The following OSBPL3 variants were observed in gnomAD, a reference collection of about 807,000 sequenced individuals.
OSBPL3 encodes the protein oxysterol binding protein like 3.
In OSBPL3, 65 loss-of-function variants were observed where a neutral mutation model predicts 120.1. The ratio of observed to expected loss-of-function variants is 0.54; its 90% CI spans 0.44 to 0.67. The LOEUF (loss-of-function observed/expected upper bound fraction) is 0.67, where lower values mean the gene tolerates loss of function less well. OSBPL3 is among the 30% of genes least tolerant of loss of function. OSBPL3 has a pLI of 0.00. For missense variants in OSBPL3, 1,004 were observed against 1,082.1 expected (o/e 0.93, Z 1.01); for synonymous variants, 416 against 402.6 (o/e 1.03, Z -0.40).
intron 1 of OSBPL3, among the ~76,000 whole-genome samples, chr7:24,920,044 C>A (rs1005212225): frequency 2.8e-4 from 43 of 151,980 alleles, no homozygotes; most frequent in African/African-American, 8.0e-4. Flanking sequence ...TGGGACCTTA[C>A]ACAGTTTGAT....
rs1172738258 is a variant in OSBPL3, at chr7:24,979,940, G to C, written c.-204C>G. 3 of 985,142 alleles carry C rather than the reference G, an allele frequency of 3.0e-6. No individual in the cohort carries two copies. Among genetic ancestry groups the C allele is most frequent in the Middle Eastern group, 5.2e-4 (1 of 1,932 alleles). 61.0% of individuals were successfully genotyped at this position (985,142 alleles called of 1,614,324 possible). ...TAGTTCCCCGGGGCCGGGCTCCGGG[G>C]TTAGCGCACAGAACCGGGAGAAGGC... On this transcript the variant is annotated 5_prime_UTR_variant, in exon 1 of 23. Transcript: ENST00000313367.
At position 24,918,782 on chromosome 7, in the gene OSBPL3, G is replaced by A. The variant is rs563104831; in HGVS notation, c.-149-26161C>T. Among the ~76,000 whole-genome samples the A allele has an allele frequency of 1.3e-5, 2 of 152,242 alleles. No homozygotes were observed. Among genetic ancestry groups the A allele is most frequent in the East Asian group, 1.9e-4 (1 of 5,190 alleles). Reference sequence around the variant, plus strand: ...AATTCCAATTCCTATGATGACCCTGGAGAAAATACTTTCTAAATGGAAGAA... The same window carrying A: ...AATTCCAATTCCTATGATGACCCTGAAGAAAATACTTTCTAAATGGAAGAA... On this transcript the variant is annotated intron_variant, in intron 1 of 22. Transcript: ENST00000313367. This position sits in a 1 kb window ranked among gnomAD's most constrained non-coding sequence, Gnocchi z 4.3.
intron 5 of OSBPL3, among the ~76,000 whole-genome samples, chr7:24,868,539 T>C (rs1801679770): frequency 6.6e-6 from 1 of 151,674 alleles, no homozygotes; most frequent in African/African-American, 2.4e-5. Context: ...TCTGTGAAAA[T>C]CTTTACTAAT....
chr7:24,910,666 C>T (rs1299476717), intron 1 of OSBPL3, among the ~76,000 whole-genome samples: 1 of 152,206 alleles, frequency 6.6e-6, no homozygotes, highest in African/African-American at 2.4e-5. Context: ...ACAAATGAAA[C>T]AAGCCAGAAC....
chr7:24,802,049 T>TA lies in OSBPL3; in HGVS notation c.2568-1771dup, dbSNP rs1321845000. ...TATGTGCATTTGTGATTCTGACTGATATTACCATATGGTTTAGAAGCAAAA... is the reference window on the plus strand; with the variant it reads ...TATGTGCATTTGTGATTCTGACTGATAATTACCATATGGTTTAGAAGCAAAA... On this transcript the variant is annotated intron_variant, in intron 22 of 22. Coordinates refer to ENST00000313367, the MANE Select transcript of OSBPL3 (RefSeq NM_015550.4). This position sits in a 1 kb window ranked among gnomAD's most constrained non-coding sequence, Gnocchi z 4.1. Among the ~76,000 whole-genome samples, 1 of 152,238 alleles carries TA rather than the reference T, an allele frequency of 6.6e-6. No individual in the cohort carries two copies. The highest frequency in any genetic ancestry group is 2.4e-5 in the African/African-American group (1 of 41,462).
At chr7:24,919,018 G>A (rs2128444405) in intron 1 of OSBPL3, among the ~76,000 whole-genome samples, 1 of 152,286 alleles carries the variant, frequency 6.6e-6, no homozygotes, top group South Asian at 2.1e-4. Flanking sequence ...TTAAGAAACA[G>A]AGCCAGTGGC....
rs1229432836 is a variant in OSBPL3, at chr7:24,946,728, G to A, written c.-150+33158C>T. 6.6e-6 allele frequency among the ~76,000 whole-genome samples: 1 copy of A among 152,118 alleles called. No homozygotes were observed. ...CAGGTCCATCTTATCCACTCCATGT[G>A]GCAAACATTTCTCCCTCCTCTGCTC... is the stretch of plus-strand genomic sequence containing the variant. On this transcript the variant is annotated intron_variant, in intron 1 of 22. Coordinates refer to ENST00000313367, the MANE Select transcript of OSBPL3 (RefSeq NM_015550.4). The surrounding 1 kb of genome is among the most constrained non-coding windows in gnomAD (Gnocchi z 4.3).
At position 24,966,423 on chromosome 7, in the gene OSBPL3, G is replaced by A. The variant is rs954689193; in HGVS notation, c.-150+13463C>T. 1.3e-5 allele frequency among the ~76,000 whole-genome samples: 2 copies of A among 152,134 alleles called. No individual in the cohort carries two copies. The highest frequency in any genetic ancestry group is 6.5e-5 in the Admixed American group (1 of 15,276). On this transcript the variant is annotated intron_variant, in intron 1 of 22. Coordinates refer to ENST00000313367, the MANE Select transcript of OSBPL3 (RefSeq NM_015550.4). The surrounding 1 kb of genome is among the most constrained non-coding windows in gnomAD (Gnocchi z 4.8). ...TGCCACAAACAAGTGGGGCTTCCAG[G>A]CCCTTAATCAAGGAACAAATGATGC...
chr7:24,944,936 T>A (rs191778788), intron 1 of OSBPL3, among the ~76,000 whole-genome samples: 145 of 152,232 alleles, frequency 9.5e-4, no homozygotes, highest in African/African-American at 3.4e-3. Context: ...TAACATCTGA[T>A]TTTCTTTTCC....
intron 1 of OSBPL3, among the ~76,000 whole-genome samples, chr7:24,977,724 C>T (rs1372923222): frequency 1.3e-5 from 2 of 152,122 alleles, no homozygotes; most frequent in African/African-American, 2.4e-5. Context: ...GTCGTGGTGA[C>T]GGGCGCCTGT....
In OSBPL3 at chr7:24,964,620, A is replaced by G. The variant is rs1027794657; in HGVS notation, c.-150+15266T>C. On this transcript the variant is annotated intron_variant, in intron 1 of 22. Coordinates refer to ENST00000313367, the MANE Select transcript of OSBPL3 (RefSeq NM_015550.4). The surrounding 1 kb of genome is among the most constrained non-coding windows in gnomAD (Gnocchi z 4.2). ...GACATGGCAACCAAGATAATGTAGA[A>G]CCCCACATGGAGTCCTGGAACGGCA... Among the ~76,000 whole-genome samples, 2 of 152,222 alleles carry G rather than the reference A, an allele frequency of 1.3e-5. No homozygotes were observed. The highest frequency in any genetic ancestry group is 2.9e-5 in the Non-Finnish European group (2 of 68,038).
intron 12 of OSBPL3, among the ~76,000 whole-genome samples, chr7:24,846,136 T>TGA (rs1798418849): frequency 6.6e-6 from 1 of 152,204 alleles, no homozygotes; most frequent in African/African-American, 2.4e-5. Flanking sequence ...CATCTATGCT[T>TGA]GAGAGAGTTA....
chr7:24,870,411 A>G (rs1428236516), intron 5 of OSBPL3, among the ~76,000 whole-genome samples: 1 of 152,222 alleles, frequency 6.6e-6, no homozygotes, highest in Non-Finnish European at 1.5e-5. Flanking sequence ...ACCTATGGTA[A>G]ATGGTTCTTC....
At position 24,896,712 on chromosome 7, in the gene OSBPL3, A is replaced by T. The variant is rs1418638266; in HGVS notation, c.-149-4091T>A. ...AAACTCTGTGCACCTTGACAAATGT[A>T]TTAAGCTCTCTGATTTATATTTTTT... On this transcript the variant is annotated intron_variant, in intron 1 of 22. Coordinates refer to ENST00000313367, the MANE Select transcript of OSBPL3 (RefSeq NM_015550.4). The surrounding 1 kb of genome is among the most constrained non-coding windows in gnomAD (Gnocchi z 4.4). Among the ~76,000 whole-genome samples the T allele has an allele frequency of 6.6e-6, 1 of 152,242 alleles. No individual in the cohort carries two copies. Among genetic ancestry groups the T allele is most frequent in the Non-Finnish European group, 1.5e-5 (1 of 68,040 alleles).
chr7:24,830,792 C>G lies in OSBPL3; in HGVS notation c.1860G>C (p.Lys620Asn). 1 of 1,612,996 alleles carries G rather than the reference C, an allele frequency of 6.2e-7. No individual in the cohort carries two copies. Reference protein sequence around the residue: ...GETYECIREDKGFQFFSEQVS... With the variant: ...GETYECIREDNGFQFFSEQVS... ...CCTGTTCTGAAAAAAACTGGAAGCCCTTGTCCTCCCGAATACATTCATATG... is the reference window on the plus strand; with the variant it reads ...CCTGTTCTGAAAAAAACTGGAAGCCGTTGTCCTCCCGAATACATTCATATG... Residue 620 changes from lysine to asparagine, a missense_variant, in exon 16 of 23, where the codon AAG becomes AAC. Lys to Asn is a moderately conservative substitution (Grantham distance 94). Transcript: ENST00000313367. The surrounding 1 kb of genome is among the most constrained non-coding windows in gnomAD (Gnocchi z 4.4).
chr7:24,947,714 A>T lies in OSBPL3; in HGVS notation c.-150+32172T>A, dbSNP rs2128492383. Among the ~76,000 whole-genome samples, 1 of 152,176 alleles carries T rather than the reference A, an allele frequency of 6.6e-6. No homozygotes were observed. Among genetic ancestry groups the T allele is most frequent in the South Asian group, 2.1e-4 (1 of 4,824 alleles). ...ACATTAGAAATATGCTACAAACTAAACTATAATCTGAACACAAGTAATATA... is the reference window on the plus strand; with the variant it reads ...ACATTAGAAATATGCTACAAACTAATCTATAATCTGAACACAAGTAATATA... On this transcript the variant is annotated intron_variant, in intron 1 of 22. Transcript: ENST00000313367. The surrounding 1 kb of genome is among the most constrained non-coding windows in gnomAD (Gnocchi z 4.4).
At position 24,861,731 on chromosome 7, in the gene OSBPL3, G is replaced by A. The variant is rs759612458; in HGVS notation, c.909C>T (p.Ser303=). The change falls in exon 10 of 23, where the codon TCC becomes TCT. Residue 303 remains serine (S), a synonymous_variant. Transcript: ENST00000313367. ...KPFSGPVRLH[S]SNPNLSTLDF... The stretch of plus-strand genomic sequence containing the variant: ...CTAGTGTTGACAAATTAGGATTGGA[G>A]GAGTGTAGTCTTACTGGGCCAGAAA... The A allele has an allele frequency of 1.2e-6, 2 of 1,611,280 alleles. No individual in the cohort carries two copies. Among genetic ancestry groups the A allele is most frequent in the Non-Finnish European group, 1.7e-6 (2 of 1,178,350 alleles).
At chr7:24,957,231 A>G (rs900421082) in intron 1 of OSBPL3, among the ~76,000 whole-genome samples, 1 of 152,104 alleles carries the variant, frequency 6.6e-6, no homozygotes, top group East Asian at 1.9e-4. Flanking sequence ...ACAAAAAAAA[A>G]AAAACCTCAC....
rs538498756 is a variant in OSBPL3 at position 24,883,614 on chromosome 7, T to C, written c.96+8763A>G. 6.6e-6 allele frequency among the ~76,000 whole-genome samples: 1 copy of C among 152,206 alleles called. No homozygotes were observed. The highest frequency in any genetic ancestry group is 1.9e-4 in the East Asian group (1 of 5,178). On this transcript the variant is annotated intron_variant, in intron 2 of 22. Coordinates refer to ENST00000313367, the MANE Select transcript of OSBPL3 (RefSeq NM_015550.4). This position sits in a 1 kb window ranked among gnomAD's most constrained non-coding sequence, Gnocchi z 5.4. The stretch of plus-strand genomic sequence containing the variant: ...CCATGCAGTTTTCATCAAAGTAATA[T>C]TTCTAAATCTCACCCAAATATATTT...
Sources: allele counts gnomAD v4.1 joint callset (sites outside exome capture counted in the v4.1 genomes callset), GRCh38; gene constraint gnomAD v4.1.1; non-coding constraint Gnocchi (gnomAD v3.1); transcripts MANE v1.5; gene names NCBI Gene and HGNC (gene_info 2026-07-23, HGNC 2026-07-21).